Variants in TBL1XR1 observed in about 807,000 individuals in gnomAD.
TBL1XR1 encodes the protein TBL1X/Y related 1.
In TBL1XR1, 5 loss-of-function variants were observed where a neutral mutation model predicts 66.9. The ratio of observed to expected loss-of-function variants is 0.07; its 90% CI spans 0.04 to 0.16. The LOEUF (loss-of-function observed/expected upper bound fraction) is 0.16, where lower values mean the gene tolerates loss of function less well. Ranked by LOEUF, TBL1XR1 falls within the 10% of genes least tolerant of loss-of-function variation. TBL1XR1 has a pLI of 1.00. For synonymous variants in TBL1XR1, 210 were observed against 206.0 expected (o/e 1.02, Z -0.17); for missense variants, 238 against 623.2 (o/e 0.38, Z 6.58).
At chr3:177,117,237 GTAT>G (rs1183808396) in intron 1 of TBL1XR1, among the ~76,000 whole-genome samples, 2 of 152,164 alleles carry the variant, frequency 1.3e-5, no homozygotes, top group African/African-American at 2.4e-5. Context: ...CATCAGTCTA[GTAT>G]TATTATTCCT....
At chr3:177,025,804 A>C (rs1477001997) in intron 15 of TBL1XR1, among the ~76,000 whole-genome samples, 5 of 152,164 alleles carry the variant, frequency 3.3e-5, no homozygotes, top group Admixed American at 3.3e-4. Context: ...TGCTCAAAAC[A>C]GACCATTTCC....
chr3:177,033,234 CA>C, intron 13 of TBL1XR1, 98 bp from the exon 14 acceptor site: 9 of 1,065,322 alleles, frequency 8.4e-6, no homozygotes, highest in Non-Finnish European at 1.1e-5. Context: ...ATCTAATAGC[CA>C]AAATTCTTTA....
At chr3:177,173,522 C>A (rs887508530) in intron 1 of TBL1XR1, among the ~76,000 whole-genome samples, 1 of 152,118 alleles carries the variant, frequency 6.6e-6, no homozygotes, top group Admixed American at 6.6e-5. Context: ...TAACCTCAGT[C>A]TAATCATTAC....
intron 1 of TBL1XR1, among the ~76,000 whole-genome samples, chr3:177,182,032 T>G (rs1734889218): frequency 6.6e-6 from 1 of 152,160 alleles, no homozygotes; most frequent in African/African-American, 2.4e-5. Context: ...CCAAAAGGAT[T>G]CTGCAGATGA....
chr3:177,173,478 A>C (rs1447888686), intron 1 of TBL1XR1, among the ~76,000 whole-genome samples: 3 of 152,216 alleles, frequency 2.0e-5, no homozygotes, highest in Non-Finnish European at 2.9e-5. Flanking sequence ...TGATGTGATG[A>C]GACAGGCACA....
chr3:177,189,857 G>A (rs746641224), intron 1 of TBL1XR1, among the ~76,000 whole-genome samples: 3 of 151,824 alleles, frequency 2.0e-5, no homozygotes, highest in Non-Finnish European at 2.9e-5. Context: ...AATAGTAATG[G>A]CTCAAATGAA....
At chr3:177,156,779 G>A (rs1560239599) in intron 1 of TBL1XR1, among the ~76,000 whole-genome samples, 1 of 151,968 alleles carries the variant, frequency 6.6e-6, no homozygotes, top group Non-Finnish European at 1.5e-5. Flanking sequence ...CTATACACTA[G>A]AATATAGCTC....
chr3:177,074,219 T>G (rs769573499), intron 2 of TBL1XR1, among the ~76,000 whole-genome samples: 4 of 152,188 alleles, frequency 2.6e-5, no homozygotes, highest in Admixed American at 6.5e-5. Context: ...ACAGAGGAGA[T>G]GTAGGGAGTG....
chr3:177,067,656 G>C (rs1719339636), intron 2 of TBL1XR1, among the ~76,000 whole-genome samples: 1 of 151,790 alleles, frequency 6.6e-6, no homozygotes, highest in Admixed American at 6.6e-5. Flanking sequence ...GCTATAAACT[G>C]ATTATTTAAT....
intron 2 of TBL1XR1, among the ~76,000 whole-genome samples, chr3:177,089,417 C>T (rs6789953): frequency 5.3e-5 from 8 of 152,164 alleles, no homozygotes; most frequent in African/African-American, 1.4e-4. Context: ...ACAAATTACC[C>T]GAGGTTCCTT....
At chr3:177,106,410 C>G (rs1724894570) in intron 1 of TBL1XR1, among the ~76,000 whole-genome samples, 1 of 152,174 alleles carries the variant, frequency 6.6e-6, no homozygotes, top group African/African-American at 2.4e-5. Context: ...TAACTTAGCA[C>G]TCAAGTGTAT....
chr3:177,105,222 A>C (rs76647798), intron 1 of TBL1XR1, among the ~76,000 whole-genome samples: 2,914 of 152,358 alleles, frequency 0.019, 39 homozygotes, highest in Non-Finnish European at 0.029. Context: ...AAATGTTATT[A>C]AATTAATGGT....
chr3:177,085,658 A>C lies in TBL1XR1; in HGVS notation c.-46+12808T>G, dbSNP rs1722029976. Among the ~76,000 whole-genome samples, 7 of 152,352 alleles carry C rather than the reference A, an allele frequency of 4.6e-5. No homozygotes were observed. In the South Asian group the frequency reaches 1.4e-3, roughly 32 times the overall value. The stretch of plus-strand genomic sequence containing the variant: ...TTCTAAGACAATAGGATGTATAGGA[A>C]AATGATAGCAAACACTATGATCTTC... On this transcript the variant is annotated intron_variant, in intron 2 of 15. Coordinates refer to ENST00000457928, the MANE Select transcript of TBL1XR1 (RefSeq NM_024665.7).
intron 2 of TBL1XR1, chr3:177,079,954 T>C (rs1437982457): frequency 6.6e-6 from 1 of 152,092 alleles, no homozygotes; most frequent in African/African-American, 2.4e-5. Context: ...ATCTGTAAAA[T>C]GAGGGTACTG....
At chr3:177,026,656 C>T (rs1576959214) in intron 14 of TBL1XR1, 182 bp from the exon 15 acceptor site, 1 of 515,736 alleles carries the variant, frequency 1.9e-6, no homozygotes, top group South Asian at 3.2e-5. Context: ...AAAGATAATA[C>T]CAGCCTGTTC....
intron 1 of TBL1XR1, among the ~76,000 whole-genome samples, chr3:177,191,232 A>G (rs560540166): frequency 1.3e-5 from 2 of 152,226 alleles, no homozygotes; most frequent in Non-Finnish European, 2.9e-5. Context: ...TGGGTTCTCC[A>G]GCAGGGGAAC....
intron 1 of TBL1XR1, among the ~76,000 whole-genome samples, chr3:177,120,194 T>C (rs1726820486): frequency 6.6e-6 from 1 of 152,130 alleles, no homozygotes; most frequent in Non-Finnish European, 1.5e-5. Flanking sequence ...ATGCCTTCTT[T>C]AATTCGGCAT....
At position 177,144,541 on chromosome 3, in the gene TBL1XR1, C is replaced by CA. The variant is rs1385702364; in HGVS notation, c.-121-46001dup. On this transcript the variant is annotated intron_variant, in intron 1 of 15. Coordinates refer to ENST00000457928, the MANE Select transcript of TBL1XR1 (RefSeq NM_024665.7). ...GGCCAAGGCGGGTGGATCATGAGGT[C>CA]AGGAGATCGAGACCATCCTGGCTAG... Among the ~76,000 whole-genome samples the CA allele has an allele frequency of 2.6e-5, 4 of 151,760 alleles. No individual in the cohort carries two copies. In the South Asian group the frequency reaches 8.3e-4, roughly 32 times the overall value.
At position 177,100,036 on chromosome 3, in the gene TBL1XR1, G is replaced by A. The variant is rs149631998; in HGVS notation, c.-121-1495C>T. ...GCGGGCCGCTTGAGCTCAGGAGTTCGAGACCAGCCTGGGCAGCATGGTGAA... is the reference window on the plus strand; with the variant it reads ...GCGGGCCGCTTGAGCTCAGGAGTTCAAGACCAGCCTGGGCAGCATGGTGAA... On this transcript the variant is annotated intron_variant, in intron 1 of 15. Coordinates refer to ENST00000457928, the MANE Select transcript of TBL1XR1 (RefSeq NM_024665.7). 3.1e-4 allele frequency among the ~76,000 whole-genome samples: 47 copies of A among 152,284 alleles called. No homozygotes were observed. The East Asian group carries it at 8.3e-3, about 27-fold the overall frequency.
Sources: allele counts gnomAD v4.1 joint callset (sites outside exome capture counted in the v4.1 genomes callset), GRCh38; gene constraint gnomAD v4.1.1; transcripts MANE v1.5; gene names NCBI Gene and HGNC (gene_info 2026-07-23, HGNC 2026-07-21).